The following PCDH9 variants were observed in gnomAD, a reference collection of about 807,000 sequenced individuals.
PCDH9 encodes protocadherin 9.
PCDH9 carries 24 observed loss-of-function variants against 70.6 expected under a neutral mutation model. The ratio of observed to expected loss-of-function variants is 0.34; its 90% CI spans 0.25 to 0.48. PCDH9 has a LOEUF of 0.48. Ranked by LOEUF, PCDH9 falls within the 20% of genes least tolerant of loss-of-function variation. The pLI, the probability that PCDH9 is intolerant of heterozygous loss-of-function variation, is 0.99. For synonymous variants in PCDH9, 562 were observed against 558.5 expected (o/e 1.01, Z -0.09); for missense variants, 1,281 against 1,503.6 (o/e 0.85, Z 2.45).
chr13:66,706,296 T>G (rs1384625264), intron 3 of PCDH9, among the ~76,000 whole-genome samples: 2 of 152,228 alleles, frequency 1.3e-5, no homozygotes, highest in Non-Finnish European at 2.9e-5. Context: ...GCTAGATTCA[T>G]AAACTATGTT....
chr13:66,489,359 G>T (rs886316815), intron 4 of PCDH9, among the ~76,000 whole-genome samples: 4 of 152,088 alleles, frequency 2.6e-5, no homozygotes, highest in Non-Finnish European at 5.9e-5. Flanking sequence ...CCATCACCCA[G>T]GCTGGAGTGC....
rs544155747 is a variant in PCDH9, at chr13:66,413,452, C to T, written c.3341-108424G>A. On this transcript the variant is annotated intron_variant, in intron 4 of 4. Coordinates refer to ENST00000377865, the MANE Select transcript of PCDH9 (RefSeq NM_203487.3). The stretch of plus-strand genomic sequence containing the variant: ...CTGTAATTCCAGCACTTTAGGAGGC[C>T]GAGGCAGGCAAATCATGAGGTCAGG... Among the ~76,000 whole-genome samples, 269 of 152,082 alleles carry T rather than the reference C, an allele frequency of 1.8e-3. 1 individual carries two copies. The highest frequency in any genetic ancestry group is 1.5e-3 in the Non-Finnish European group (102 of 67,992).
At chr13:66,373,058 T>C (rs373824777) in intron 4 of PCDH9, among the ~76,000 whole-genome samples, 62 of 152,084 alleles carry the variant, frequency 4.1e-4, no homozygotes, top group African/African-American at 1.4e-3. Context: ...TTATTGTCAA[T>C]AGACAAAAGG....
At chr13:66,958,792 T>C (rs796528105) in intron 2 of PCDH9, among the ~76,000 whole-genome samples, 27 of 152,326 alleles carry the variant, frequency 1.8e-4, no homozygotes, top group African/African-American at 5.3e-4. Flanking sequence ...CCCATTTCCA[T>C]TGAAGTGTCA....
At chr13:66,517,219 A>G (rs1959780097) in intron 4 of PCDH9, among the ~76,000 whole-genome samples, 2 of 152,278 alleles carry the variant, frequency 1.3e-5, no homozygotes, top group Middle Eastern at 3.4e-3. Flanking sequence ...TATATTTTGA[A>G]CATGACCTCA....
chr13:67,048,193 C>A (rs1206429071), intron 2 of PCDH9, among the ~76,000 whole-genome samples: 1 of 152,106 alleles, frequency 6.6e-6, no homozygotes, highest in Non-Finnish European at 1.5e-5. Context: ...CTTCTTAGAG[C>A]CTAACATGAG....
intron 4 of PCDH9, among the ~76,000 whole-genome samples, chr13:66,321,680 G>A (rs970602505): frequency 1.3e-5 from 2 of 151,968 alleles, no homozygotes; most frequent in African/African-American, 2.4e-5. Context: ...TAAACATACA[G>A]AGCATTTATT....
At chr13:66,914,894 G>T (rs891692325) in intron 2 of PCDH9, 15 of 151,722 alleles carry the variant, frequency 9.9e-5, no homozygotes, top group African/African-American at 3.6e-4. Context: ...CAGGAGAGTA[G>T]ATAGTGTTAT....
At chr13:67,130,868 C>A (rs149265900) in intron 2 of PCDH9, among the ~76,000 whole-genome samples, 1 of 152,242 alleles carries the variant, frequency 6.6e-6, no homozygotes, top group East Asian at 1.9e-4. Flanking sequence ...TTATGCTGGA[C>A]ATAAAGCCTG....
chr13:66,351,313 A>G (rs911165009), intron 4 of PCDH9, among the ~76,000 whole-genome samples: 1 of 152,116 alleles, frequency 6.6e-6, no homozygotes, highest in East Asian at 1.9e-4. Flanking sequence ...ATGGAAAGGT[A>G]ATTTTGACCC....
intron 4 of PCDH9, among the ~76,000 whole-genome samples, chr13:66,507,670 T>C (rs1959249531): frequency 2.0e-5 from 3 of 152,018 alleles, no homozygotes; most frequent in Admixed American, 2.0e-4. Context: ...ATCCTCTTAA[T>C]ATACCCCTAC....
Position 67,004,246 on chromosome 13 carries a change from C to A in PCDH9, c.3037-100641G>T, listed in dbSNP as rs567535208. Among the ~76,000 whole-genome samples the A allele has an allele frequency of 4.9e-3, 747 of 151,966 alleles. 5 individuals are homozygous for A. Among genetic ancestry groups the A allele is most frequent in the Admixed American group, 9.8e-3 (149 of 15,276 alleles). On this transcript the variant is annotated intron_variant, in intron 2 of 4. Transcript: ENST00000377865. Reference sequence around the variant, plus strand: ...ATCAGATTCCTTTAAAATATTCCCACAAAATATTGGCTTCTTAAAGTTTTT... The same window carrying A: ...ATCAGATTCCTTTAAAATATTCCCAAAAAATATTGGCTTCTTAAAGTTTTT...
At chr13:66,316,920 G>T (rs147742643) in intron 4 of PCDH9, among the ~76,000 whole-genome samples, 1 of 151,856 alleles carries the variant, frequency 6.6e-6, no homozygotes, top group African/African-American at 2.4e-5. Context: ...ATGGGGTTTC[G>T]CCATGTTGGT....
chr13:66,567,220 A>G (rs75894280), intron 4 of PCDH9, among the ~76,000 whole-genome samples: 2,029 of 152,268 alleles, frequency 0.013, 24 homozygotes, highest in Non-Finnish European at 0.02. Context: ...ATGGGATATA[A>G]TAGAATCTAC....
intron 4 of PCDH9, among the ~76,000 whole-genome samples, chr13:66,328,762 C>T (rs1047898745): frequency 2.0e-5 from 3 of 152,076 alleles, no homozygotes; most frequent in African/African-American, 7.2e-5. Context: ...ATGATTTCTC[C>T]AGTCAAGAAG....
chr13:66,739,589 G>C (rs963583506), intron 3 of PCDH9, among the ~76,000 whole-genome samples: 3 of 148,116 alleles, frequency 2.0e-5, no homozygotes, highest in Non-Finnish European at 3.0e-5. Context: ...GCTGTATTCA[G>C]GAATCCCATC....
chr13:66,730,125 A>G (rs1475757692), intron 3 of PCDH9, among the ~76,000 whole-genome samples: 1 of 152,220 alleles, frequency 6.6e-6, no homozygotes, highest in Non-Finnish European at 1.5e-5. Context: ...TATAGTCAAT[A>G]AAATTCAAAT....
At chr13:66,821,411 G>A (rs1594103689) in intron 3 of PCDH9, among the ~76,000 whole-genome samples, 1 of 152,078 alleles carries the variant, frequency 6.6e-6, no homozygotes, top group East Asian at 1.9e-4. Context: ...ATAAACATAA[G>A]CTAAATGGAC....
intron 3 of PCDH9, among the ~76,000 whole-genome samples, chr13:66,815,328 T>A (rs1001676858): frequency 6.6e-6 from 1 of 152,112 alleles, no homozygotes; most frequent in Non-Finnish European, 1.5e-5. Flanking sequence ...CTGGTGGAAA[T>A]GTAAATTAGT....
Sources: gnomAD v4.1 joint callset for allele counts (sites outside exome capture counted in the v4.1 genomes callset) on GRCh38, gnomAD v4.1.1 for gene constraint, MANE v1.5 for transcripts, NCBI Gene and HGNC (gene_info 2026-07-23, HGNC 2026-07-21) for gene names.